Variants in FILIP1L observed in about 807,000 individuals in gnomAD.
The protein encoded by FILIP1L is filamin A-interacting protein 1-like.
Under a neutral mutation model 96.6 loss-of-function variants are expected in FILIP1L, and 55 were observed. The ratio of observed to expected loss-of-function variants is 0.57; its 90% CI spans 0.46 to 0.71. The LOEUF is 0.71. FILIP1L is among the 30% of genes least tolerant of loss of function. The pLI, the probability that FILIP1L is intolerant of heterozygous loss-of-function variation, is 0.00. For synonymous variants in FILIP1L, 467 were observed against 473.9 expected (o/e 0.99, Z 0.19); for missense variants, 1,304 against 1,321.2 (o/e 0.99, Z 0.20).
intron 5 of FILIP1L, among the ~76,000 whole-genome samples, chr3:99,845,602 C>T (rs1943328864): frequency 6.6e-6 from 1 of 152,142 alleles, no homozygotes; most frequent in Non-Finnish European, 1.5e-5. Context: ...GTTCTGTAAT[C>T]TTCCAATCTC....
At chr3:100,024,909 G>T (rs1326058067) in intron 1 of FILIP1L, among the ~76,000 whole-genome samples, 1 of 152,172 alleles carries the variant, frequency 6.6e-6, no homozygotes, top group East Asian at 1.9e-4. Context: ...ACCAGAGCAG[G>T]ACTGATATCC....
At chr3:99,841,987 G>T (rs114183661) in intron 5 of FILIP1L, among the ~76,000 whole-genome samples, 1,851 of 152,248 alleles carry the variant, frequency 0.012, 23 homozygotes, top group Non-Finnish European at 0.016. Context: ...CTGGGTATCT[G>T]CCCAGAGGAA....
intron 1 of FILIP1L, among the ~76,000 whole-genome samples, chr3:100,093,073 A>G (rs898497456): frequency 6.6e-6 from 1 of 152,148 alleles, no homozygotes; most frequent in Non-Finnish European, 1.5e-5. Flanking sequence ...AATAGAATAC[A>G]GAATGGAAAA....
chr3:100,048,526 G>A (rs2107310831), intron 1 of FILIP1L, among the ~76,000 whole-genome samples: 1 of 152,290 alleles, frequency 6.6e-6, no homozygotes, highest in African/African-American at 2.4e-5. Flanking sequence ...ATATCTGTGG[G>A]TGCAAAGTTA....
chr3:99,950,513 G>C (rs1428912374), intron 1 of FILIP1L, among the ~76,000 whole-genome samples: 1 of 152,184 alleles, frequency 6.6e-6, no homozygotes, highest in Non-Finnish European at 1.5e-5. Flanking sequence ...GTTTTCACTA[G>C]TCTCCCCTGG....
intron 4 of FILIP1L, among the ~76,000 whole-genome samples, chr3:99,856,263 G>A (rs903584961): frequency 1.3e-5 from 2 of 152,238 alleles, no homozygotes; most frequent in Non-Finnish European, 2.9e-5. Context: ...TGTTTTGAAA[G>A]TGTTGTTGGA....
chr3:100,064,620 G>A (rs2065630863), intron 1 of FILIP1L, among the ~76,000 whole-genome samples: 1 of 152,184 alleles, frequency 6.6e-6, no homozygotes, highest in African/African-American at 2.4e-5. Context: ...CAGAGGAAGG[G>A]AGACTGGCAA....
rs145752871 is a variant in FILIP1L, at chr3:100,004,211, C to G, written c.-10-73181G>C. Among the ~76,000 whole-genome samples, 26 of 152,192 alleles carry G rather than the reference C, an allele frequency of 1.7e-4. 1 individual carries two copies. In the East Asian group the frequency reaches 4.8e-3, roughly 28 times the overall value. ...ACATATTCTCCAAGAAACCTAAACT[C>G]CAAGTAAAATGCAGCTTCCGTAGGA... is the stretch of plus-strand genomic sequence containing the variant. On this transcript the variant is annotated intron_variant, in intron 1 of 5. Transcript: ENST00000477258.
chr3:99,883,384 CTATAT>C (rs1250761133), intron 4 of FILIP1L, among the ~76,000 whole-genome samples: 34 of 152,238 alleles, frequency 2.2e-4, no homozygotes, highest in Non-Finnish European at 1.6e-4. Context: ...TCAGTTATTC[CTATAT>C]TATATCATTT....
intron 1 of FILIP1L, among the ~76,000 whole-genome samples, chr3:99,972,653 C>A (rs1006016211): frequency 6.6e-6 from 1 of 152,118 alleles, no homozygotes; most frequent in African/African-American, 2.4e-5. Context: ...GCCCATGTCA[C>A]CACCCTGTTG....
At chr3:99,923,129 T>C (rs568705154) in intron 4 of FILIP1L, among the ~76,000 whole-genome samples, 83 of 152,200 alleles carry the variant, frequency 5.5e-4, no homozygotes, top group African/African-American at 1.9e-3. Context: ...ACCCCCTTTT[T>C]CTTCCAGAAA....
intron 1 of FILIP1L, among the ~76,000 whole-genome samples, chr3:100,107,657 T>C (rs546215457): frequency 1.3e-5 from 2 of 152,246 alleles, no homozygotes; most frequent in South Asian, 2.1e-4. Context: ...AAAGGAGTAA[T>C]TTAACGCTCT....
chr3:99,830,572 G>A lies in FILIP1L; in HGVS notation c.3415C>T (p.Arg1139Trp), dbSNP rs767452392. Residue 1139 changes from arginine to tryptophan, a missense_variant, in exon 6 of 6, where the codon CGG (arginine) becomes TGG (tryptophan). By Grantham distance (101) the Arg-to-Trp change is moderately radical (BLOSUM62 -3). Coordinates refer to ENST00000477258, the MANE Select transcript of FILIP1L (RefSeq NM_001387850.1). ...CCTGTAGATTTCGGTTTAGGGATCC[G>A]TGCTGGGATTCTCTGCTTGCATACC... is the stretch of plus-strand genomic sequence containing the variant. ...KEVCKQRIPARIPKPKSTGIT... is the reference protein window; with the variant it reads ...KEVCKQRIPAWIPKPKSTGIT... The A allele has an allele frequency of 4.4e-5, 20 of 456,520 alleles. No homozygotes were observed. The highest frequency in any genetic ancestry group is 8.8e-5 in the Non-Finnish European group (20 of 226,956). The allele number at this position is 456,520 out of a possible 1,614,324, so 28.3% of individuals were successfully genotyped here.
intron 1 of FILIP1L, among the ~76,000 whole-genome samples, chr3:99,974,340 T>C (rs1708906361): frequency 6.6e-6 from 1 of 152,218 alleles, no homozygotes; most frequent in African/African-American, 2.4e-5. Context: ...TTTTTCTTTG[T>C]AAGTTTAGTA....
intron 4 of FILIP1L, chr3:99,898,389 G>A (rs1301182721): frequency 6.6e-6 from 1 of 152,090 alleles, no homozygotes; most frequent in Non-Finnish European, 1.5e-5. Context: ...ATAGAAACCT[G>A]GAAAGATCAG....
rs1317904530 is a variant in FILIP1L, at chr3:100,089,990, C to T, written c.-11+24063G>A. Among the ~76,000 whole-genome samples the T allele has an allele frequency of 3.3e-5, 5 of 152,326 alleles. No individual in the cohort carries two copies. In the East Asian group the frequency reaches 9.7e-4, roughly 29 times the overall value. On this transcript the variant is annotated intron_variant, in intron 1 of 5. Transcript: ENST00000477258. ...GGAAATAGTACACTCATCTTCCCTA[C>T]TCCCCCGCAACTGCAAAGCCAGCTA...
At chr3:99,876,280 G>A in intron 4 of FILIP1L, 5 of 917,034 alleles carry the variant, frequency 5.5e-6, no homozygotes, top group Non-Finnish European at 3.9e-6. Flanking sequence ...GTGACCGCGG[G>A]ACCCTCGGCC....
chr3:99,859,160 G>A (rs1385886531), intron 4 of FILIP1L, among the ~76,000 whole-genome samples: 1 of 152,230 alleles, frequency 6.6e-6, no homozygotes, highest in Non-Finnish European at 1.5e-5. Context: ...TTATAAATGG[G>A]TCCATCCATA....
chr3:99,948,752 GAAAAGGAAGGAAGGAAAGAAAAAGAGA>G (rs753546520), intron 1 of FILIP1L, among the ~76,000 whole-genome samples: 54 of 150,810 alleles, frequency 3.6e-4, no homozygotes, highest in Non-Finnish European at 6.9e-4. Context: ...GAAAAAAGAG[GAAAAGGAAGGAAGGAAAGAAAAAGAGA>G]AAGGAAAGAA....
Sources: allele counts gnomAD v4.1 joint callset (sites outside exome capture counted in the v4.1 genomes callset), GRCh38; gene constraint gnomAD v4.1.1; transcripts MANE v1.5; gene names NCBI Gene and HGNC (gene_info 2026-07-23, HGNC 2026-07-21).